The following CDH13 variants were observed in gnomAD, a reference collection of about 807,000 sequenced individuals.
The protein encoded by CDH13 is cadherin 13, also known as cadherin-13.
CDH13 carries 24 observed loss-of-function variants against 63.8 expected under a neutral mutation model. That is an observed-to-expected ratio of 0.38 (90% CI 0.27 to 0.53). CDH13 has a LOEUF of 0.53. CDH13 is among the 20% of genes least tolerant of loss of function. The pLI is 0.85. For synonymous variants in CDH13, 503 were observed against 355.3 expected (o/e 1.42, Z -4.67); for missense variants, 1,049 against 903.1 (o/e 1.16, Z -2.07).
At chr16:83,648,768 C>T (rs1765393048) in intron 8 of CDH13, among the ~76,000 whole-genome samples, 1 of 152,182 alleles carries the variant, frequency 6.6e-6, no homozygotes, top group African/African-American at 2.4e-5. Flanking sequence ...CTCTCCCTCT[C>T]CCCATCTCTG....
intron 3 of CDH13, among the ~76,000 whole-genome samples, chr16:83,099,760 C>A (rs935081970): frequency 6.6e-6 from 1 of 151,998 alleles, no homozygotes; most frequent in Non-Finnish European, 1.5e-5. Flanking sequence ...CATCATGAAG[C>A]TAATAATAAA....
intron 8 of CDH13, among the ~76,000 whole-genome samples, chr16:83,653,871 C>T (rs560505203): frequency 2.0e-4 from 31 of 152,248 alleles, no homozygotes; most frequent in African/African-American, 6.5e-4. Context: ...GAAAGGCGCT[C>T]AGCACGGCGT....
intron 1 of CDH13, among the ~76,000 whole-genome samples, chr16:82,797,817 G>A (rs920324198): frequency 6.8e-6 from 1 of 146,648 alleles, no homozygotes; most frequent in African/African-American, 2.6e-5. Context: ...GTATACATGT[G>A]TATGTGTACA....
At chr16:83,168,564 T>C (rs2037786687) in intron 4 of CDH13, among the ~76,000 whole-genome samples, 1 of 151,958 alleles carries the variant, frequency 6.6e-6, no homozygotes, top group Non-Finnish European at 1.5e-5. Context: ...ATTAACTTAT[T>C]CTGATTATAA....
intron 1 of CDH13, among the ~76,000 whole-genome samples, chr16:82,732,703 C>T (rs2033467254): frequency 6.6e-6 from 1 of 152,166 alleles, no homozygotes; most frequent in Non-Finnish European, 1.5e-5. Flanking sequence ...CCACAGATAT[C>T]TAACCACTGA....
intron 2 of CDH13, among the ~76,000 whole-genome samples, chr16:82,898,763 A>G (rs753001178): frequency 2.0e-5 from 3 of 152,210 alleles, no homozygotes; most frequent in Non-Finnish European, 4.4e-5. Flanking sequence ...GGAAGGGTGG[A>G]GTAGTGGAGA....
At chr16:83,547,055 C>G (rs79738625) in intron 7 of CDH13, among the ~76,000 whole-genome samples, 1 of 152,308 alleles carries the variant, frequency 6.6e-6, no homozygotes, top group East Asian at 1.9e-4. Context: ...CATGTGTTCA[C>G]TTTCTTCCAT....
chr16:83,312,326 G>A (rs1280402211), intron 5 of CDH13, among the ~76,000 whole-genome samples: 1 of 152,238 alleles, frequency 6.6e-6, no homozygotes, highest in East Asian at 1.9e-4. Context: ...GCCAACTAAA[G>A]CAATAGAATC....
chr16:82,952,921 C>T (rs1214723831), intron 2 of CDH13, among the ~76,000 whole-genome samples: 1 of 152,176 alleles, frequency 6.6e-6, no homozygotes, highest in Non-Finnish European at 1.5e-5. Flanking sequence ...GCCAGGTGCT[C>T]TGACAAAGGA....
chr16:83,242,678 T>C (rs1904582814), intron 5 of CDH13, among the ~76,000 whole-genome samples: 1 of 152,170 alleles, frequency 6.6e-6, no homozygotes, highest in Non-Finnish European at 1.5e-5. Context: ...TTAGGGACAA[T>C]GGCAATACTT....
intron 8 of CDH13, among the ~76,000 whole-genome samples, chr16:83,652,858 A>G (rs1318479747): frequency 1.3e-5 from 2 of 152,174 alleles, no homozygotes; most frequent in African/African-American, 4.8e-5. Context: ...GTGAACATTC[A>G]CAGCAGCATT....
intron 10 of CDH13, among the ~76,000 whole-genome samples, chr16:83,739,660 C>T (rs566093451): frequency 1.3e-5 from 2 of 152,204 alleles, no homozygotes; most frequent in South Asian, 4.1e-4. Context: ...GGGAGTTTGG[C>T]TGGGACAAGA....
At chr16:83,065,582 G>T (rs138741238) in intron 3 of CDH13, among the ~76,000 whole-genome samples, 2,495 of 152,164 alleles carry the variant, frequency 0.016, 66 homozygotes, top group African/African-American at 0.057. Flanking sequence ...GTGCACGCCT[G>T]TAATTCCAGC....
At chr16:83,485,635 A>G (rs1446040069) in intron 6 of CDH13, among the ~76,000 whole-genome samples, 1 of 152,102 alleles carries the variant, frequency 6.6e-6, no homozygotes, top group Non-Finnish European at 1.5e-5. Flanking sequence ...ACGGGTCCTC[A>G]TCAGACACCT....
chr16:83,073,352 T>TGAGAGAGAGA (rs1185746074), intron 3 of CDH13, among the ~76,000 whole-genome samples: 256 of 125,190 alleles, frequency 2.0e-3, no homozygotes, highest in Non-Finnish European at 2.6e-3. Context: ...TGTGTGTGTG[T>TGAGAGAGAGA]GTGAGAGAGA....
intron 5 of CDH13, among the ~76,000 whole-genome samples, chr16:83,219,643 G>A (rs1376419764): frequency 2.0e-5 from 3 of 152,214 alleles, no homozygotes; most frequent in Non-Finnish European, 4.4e-5. Flanking sequence ...CCAAGTTATA[G>A]CCCAATCTCT....
chr16:83,288,567 G>C (rs962616552), intron 5 of CDH13, among the ~76,000 whole-genome samples: 3 of 152,192 alleles, frequency 2.0e-5, no homozygotes, highest in Admixed American at 6.5e-5. Context: ...GAGCCACACA[G>C]AGCCAGCTGT....
intron 10 of CDH13, among the ~76,000 whole-genome samples, chr16:83,686,071 G>A (rs1228845428): frequency 6.6e-6 from 1 of 152,196 alleles, no homozygotes. Context: ...GATGAGGAGA[G>A]AGAACCTCCC....
At chr16:82,981,427 A>G (rs1334317669) in intron 2 of CDH13, among the ~76,000 whole-genome samples, 2 of 152,046 alleles carry the variant, frequency 1.3e-5, no homozygotes, top group African/African-American at 4.8e-5. Flanking sequence ...TGGTAAATCA[A>G]GTCAGCTCTC....
Sources: gnomAD v4.1 joint callset for allele counts (sites outside exome capture counted in the v4.1 genomes callset) on GRCh38, gnomAD v4.1.1 for gene constraint, MANE v1.5 for transcripts, NCBI Gene and HGNC (gene_info 2026-07-23, HGNC 2026-07-21) for gene names.